Variants in ABCA10 observed in about 807,000 individuals in gnomAD.
ABCA10 encodes the protein ATP binding cassette subfamily A member 10, also known as ATP-binding cassette sub-family A member 10.
ABCA10 carries 169 observed loss-of-function variants against 187.5 expected under a neutral mutation model. That is an observed-to-expected ratio of 0.90 (90% CI 0.80 to 1.02). The LOEUF (loss-of-function observed/expected upper bound fraction) is 1.02, where lower values mean the gene tolerates loss of function less well. Among genes scored for constraint, ABCA10 ranks in the 50% least tolerant of loss-of-function variants. The pLI, the probability that ABCA10 is intolerant of heterozygous loss-of-function variation, is 0.00. For missense variants in ABCA10, 1,727 were observed against 1,812.4 expected, an observed-to-expected ratio of 0.95 and a Z score of 0.86; for synonymous variants, 574 against 601.8, an observed-to-expected ratio of 0.95 and a Z score of 0.68.
At chr17:69,230,391 T>C (rs1006988703), upstream of ABCA10, among the ~76,000 whole-genome samples, 47 of 152,264 alleles carry the variant, frequency 3.1e-4, no homozygotes, top group African/African-American at 4.1e-4. Flanking sequence ...GAGACCTGCA[T>C]TGCAGACTTG....
chr17:69,169,630 T>C (rs368122452), intron 25 of ABCA10, among the ~76,000 whole-genome samples: 4 of 152,206 alleles, frequency 2.6e-5, no homozygotes, highest in African/African-American at 7.2e-5. Context: ...CAGCATGGTA[T>C]TGATGTACAA....
At position 69,152,475 on chromosome 17, in the gene ABCA10, T is replaced by C. The variant is rs2074137143; in HGVS notation, c.4143A>G (p.Ile1381Met). The C allele has an allele frequency of 6.2e-7, 1 of 1,611,764 alleles. No homozygotes were observed. Among genetic ancestry groups the C allele is most frequent in the Non-Finnish European group, 8.5e-7 (1 of 1,179,228 alleles). Residue 1381 changes from isoleucine to methionine, a missense_variant, in exon 35 of 39, where the codon ATA becomes ATG. Physicochemically the swap from Ile to Met is conservative, Grantham distance 10. Coordinates refer to ENST00000690296, the MANE Select transcript of ABCA10 (RefSeq NM_001377321.1). ...DPEGQQQMWQ[I>M]LQATVKNKER... ...CCTTGTTTTTAACGGTAGCCTGAAGTATCTGCCTAAAGATAAAGTAAGGGA... is the reference window on the plus strand; with the variant it reads ...CCTTGTTTTTAACGGTAGCCTGAAGCATCTGCCTAAAGATAAAGTAAGGGA...
chr17:69,167,552 G>C (rs975788658), intron 25 of ABCA10, among the ~76,000 whole-genome samples: 4 of 152,062 alleles, frequency 2.6e-5, no homozygotes, highest in African/African-American at 9.7e-5. Flanking sequence ...GGGAGTGAAG[G>C]GTTTCAAGAC....
At chr17:69,157,348 G>A (rs2074182320) in intron 27 of ABCA10, among the ~76,000 whole-genome samples, 2 of 152,132 alleles carry the variant, frequency 1.3e-5, no homozygotes, top group South Asian at 4.1e-4. Context: ...TTGAAGCAGA[G>A]AGTCTTCCCC....
At chr17:69,169,843 T>C in intron 25 of ABCA10, among the ~76,000 whole-genome samples, 1 of 152,182 alleles carries the variant, frequency 6.6e-6, no homozygotes, top group Non-Finnish European at 1.5e-5. Flanking sequence ...TAAACTGAAA[T>C]AAGCTCAGGG....
intron 5 of ABCA10, among the ~76,000 whole-genome samples, chr17:69,221,122 T>C (rs1445539760): frequency 6.6e-6 from 1 of 151,984 alleles, no homozygotes. Context: ...TAAGGGGAGA[T>C]AAGTTGGCAA....
chr17:69,206,744 GAACATCTGTACA>G (rs542930664), intron 9 of ABCA10, among the ~76,000 whole-genome samples: 26 of 152,242 alleles, frequency 1.7e-4, no homozygotes, highest in African/African-American at 6.0e-4. Context: ...ATAAGTTGAG[GAACATCTGTACA>G]AAAATCAACT....
chr17:69,150,531 A>T (rs1016262359), intron 36 of ABCA10: 24 of 153,184 alleles, frequency 1.6e-4, no homozygotes, highest in Non-Finnish European at 3.2e-4. Context: ...TCCAAGGAAC[A>T]CTCTTCAGTC....
chr17:69,205,890 G>T (rs2074587944), intron 9 of ABCA10, among the ~76,000 whole-genome samples: 1 of 152,128 alleles, frequency 6.6e-6, no homozygotes, highest in African/African-American at 2.4e-5. Flanking sequence ...CTAGAGATGA[G>T]GAATTTGTGT....
chr17:69,242,559 G>T (rs1053939912), intron 1 of ABCA10, among the ~76,000 whole-genome samples: 1 of 152,136 alleles, frequency 6.6e-6, no homozygotes, highest in Non-Finnish European at 1.5e-5. Flanking sequence ...CTGCCTCCTG[G>T]GTTCAAGCAA....
chr17:69,205,202 T>C (rs951692753), intron 9 of ABCA10, among the ~76,000 whole-genome samples: 1 of 152,152 alleles, frequency 6.6e-6, no homozygotes, highest in African/African-American at 2.4e-5. Context: ...TTTAATCAAA[T>C]GTAAGGACTT....
chr17:69,217,955 T>C (rs1281144661), intron 6 of ABCA10, among the ~76,000 whole-genome samples: 3 of 152,198 alleles, frequency 2.0e-5, no homozygotes, highest in Non-Finnish European at 4.4e-5. Flanking sequence ...AAAAAAATTA[T>C]ATCCAACACA....
At chr17:69,226,586 A>G (rs2144854185) in intron 2 of ABCA10, among the ~76,000 whole-genome samples, 1 of 152,126 alleles carries the variant, frequency 6.6e-6, no homozygotes, top group South Asian at 2.1e-4. Context: ...ATGCAAAGGT[A>G]TTGACAATCT....
At chr17:69,217,257 A>G (rs1026036870) in intron 6 of ABCA10, among the ~76,000 whole-genome samples, 41 of 127,386 alleles carry the variant, frequency 3.2e-4, no homozygotes, top group Non-Finnish European at 1.0e-4. Flanking sequence ...CAAAAAAAGA[A>G]AAAAAAAAAA....
At chr17:69,151,158 C>T (rs1487279832) in intron 36 of ABCA10, among the ~76,000 whole-genome samples, 1 of 152,152 alleles carries the variant, frequency 6.6e-6, no homozygotes, top group Non-Finnish European at 1.5e-5. Context: ...TCTCTTTACA[C>T]ATCAACTACA....
At chr17:69,166,107 C>T (rs1480409000) in intron 25 of ABCA10, among the ~76,000 whole-genome samples, 1 of 152,108 alleles carries the variant, frequency 6.6e-6, no homozygotes, top group Non-Finnish European at 1.5e-5. Context: ...CATGTTGCTA[C>T]TGTGATGAGC....
intron 1 of ABCA10, among the ~76,000 whole-genome samples, chr17:69,241,440 A>C (rs1371876947): frequency 6.6e-6 from 1 of 152,190 alleles, no homozygotes; most frequent in Non-Finnish European, 1.5e-5. Context: ...AAATATGCCT[A>C]ATGTTGCCAC....
rs547503476 is a variant in ABCA10, at chr17:69,207,127, G to A, written c.1007-5459C>T. 3.3e-5 allele frequency among the ~76,000 whole-genome samples: 5 copies of A among 152,182 alleles called. No individual in the cohort carries two copies. The South Asian group carries it at 1.0e-3, about 32-fold the overall frequency. ...AAGGAGACATAAAAATGGCCAAGAAGAATATGAAAAAGTACTCAACATCAC... is the reference window on the plus strand; with the variant it reads ...AAGGAGACATAAAAATGGCCAAGAAAAATATGAAAAAGTACTCAACATCAC... On this transcript the variant is annotated intron_variant, in intron 9 of 38. Coordinates refer to ENST00000690296, the MANE Select transcript of ABCA10 (RefSeq NM_001377321.1).
At chr17:69,164,486 G>C (rs1208943676) in intron 26 of ABCA10, among the ~76,000 whole-genome samples, 1 of 152,126 alleles carries the variant, frequency 6.6e-6, no homozygotes, top group Non-Finnish European at 1.5e-5. Context: ...GTTTCTGTCA[G>C]AAGTGGTTAA....
Sources: gnomAD v4.1 joint callset for allele counts (sites outside exome capture counted in the v4.1 genomes callset) on GRCh38, gnomAD v4.1.1 for gene constraint, MANE v1.5 for transcripts, NCBI Gene and HGNC (gene_info 2026-07-23, HGNC 2026-07-21) for gene names.